The following GALNT13 variants were observed in gnomAD, a reference collection of about 807,000 sequenced individuals.
The protein encoded by GALNT13 is polypeptide N-acetylgalactosaminyltransferase 13, also known as UDP-GalNAc:polypeptide N-acetylgalactosaminyltransferase 13.
In GALNT13, 28 loss-of-function variants were observed where a neutral mutation model predicts 64.2. That is an observed-to-expected ratio of 0.44 (90% confidence interval 0.32 to 0.60). The LOEUF (loss-of-function observed/expected upper bound fraction) is 0.60. GALNT13 is among the 20% of genes least tolerant of loss of function. GALNT13 has a pLI of 0.05. For missense variants in GALNT13, 577 were observed against 669.8 expected (o/e 0.86, Z 1.53); for synonymous variants, 214 against 224.6 (o/e 0.95, Z 0.42).
chr2:153,880,254 A>G (rs753701852), intron 1 of GALNT13, among the ~76,000 whole-genome samples: 20 of 152,124 alleles, frequency 1.3e-4, no homozygotes, highest in Non-Finnish European at 2.6e-4. Context: ...GTAATTTATA[A>G]TCACTTGTGA....
chr2:153,814,945 C>T, the GALNT13 span, among the ~76,000 whole-genome samples: 1 of 152,172 alleles, frequency 6.6e-6, no homozygotes, highest in Non-Finnish European at 1.5e-5. Context: ...GTTGAGACAT[C>T]TTTAACTGTC....
chr2:153,786,952 A>T, the GALNT13 span, among the ~76,000 whole-genome samples: 1 of 152,134 alleles, frequency 6.6e-6, no homozygotes, highest in African/African-American at 2.4e-5. Context: ...TCGGGTCCAC[A>T]GCACAGGACC....
At chr2:153,965,648 A>G (rs1305518905) in intron 3 of GALNT13, among the ~76,000 whole-genome samples, 1 of 151,940 alleles carries the variant, frequency 6.6e-6, no homozygotes, top group Non-Finnish European at 1.5e-5. Context: ...TTTATTTGGT[A>G]GAAAGTTTTA....
the GALNT13 span, among the ~76,000 whole-genome samples, chr2:153,346,183 C>A: frequency 6.6e-6 from 1 of 152,152 alleles, no homozygotes; most frequent in Non-Finnish European, 1.5e-5. Context: ...CGCAGCCTCC[C>A]AAAGTGCTGA....
At chr2:153,107,398 G>T in the GALNT13 span, among the ~76,000 whole-genome samples, 1 of 152,116 alleles carries the variant, frequency 6.6e-6, no homozygotes, top group South Asian at 2.1e-4. Context: ...TAGATTTAGT[G>T]ATTAGCATAC....
chr2:153,421,631 T>G, the GALNT13 span: 1 of 257,214 alleles, frequency 3.9e-6, no homozygotes. Flanking sequence ...AGGCCAATGA[T>G]CTTGCCAATG....
rs761128541 is a variant in GALNT13, at chr2:154,155,282, A to G, written c.311+14777A>G. Among the ~76,000 whole-genome samples, 161 of 152,238 alleles carry G rather than the reference A, an allele frequency of 1.1e-3. 2 individuals carry two copies. The highest frequency in any genetic ancestry group is 5.2e-4 in the Non-Finnish European group (35 of 67,922). On this transcript the variant is annotated intron_variant, in intron 4 of 12. Transcript: ENST00000392825. ...TATAATTTTTAAAAACAGCCATTTG[A>G]AAGTCAGTCTTTGTGGTTAAAATGT... is the stretch of plus-strand genomic sequence containing the variant.
chr2:153,132,062 G>A, the GALNT13 span, among the ~76,000 whole-genome samples: 8 of 152,170 alleles, frequency 5.3e-5, no homozygotes, highest in Admixed American at 5.2e-4. Flanking sequence ...AGCTGAGACT[G>A]CCAGCTTTGT....
intron 2 of GALNT13, among the ~76,000 whole-genome samples, chr2:153,927,118 T>A (rs1197965414): frequency 6.6e-6 from 1 of 152,112 alleles, no homozygotes; most frequent in East Asian, 1.9e-4. Flanking sequence ...TCAAAGTATA[T>A]GATAATTTTT....
the GALNT13 span, among the ~76,000 whole-genome samples, chr2:153,600,293 TATAAC>T: frequency 6.6e-6 from 1 of 152,064 alleles, no homozygotes; most frequent in Admixed American, 6.6e-5. Flanking sequence ...ATTTTTCAAA[TATAAC>T]ATGCAATTTT....
At chr2:154,385,813 T>G (rs1200141197) in intron 9 of GALNT13, among the ~76,000 whole-genome samples, 1 of 152,020 alleles carries the variant, frequency 6.6e-6, no homozygotes. Flanking sequence ...TAAATTCTTA[T>G]GATACATGGG....
chr2:153,743,483 C>T, the GALNT13 span, among the ~76,000 whole-genome samples: 1 of 151,078 alleles, frequency 6.6e-6, no homozygotes, highest in Non-Finnish European at 1.5e-5. Flanking sequence ...TTTTTTGAAC[C>T]TACTTTATTT....
At chr2:154,288,355 AT>A (rs1367956083) in intron 8 of GALNT13, among the ~76,000 whole-genome samples, 1 of 151,980 alleles carries the variant, frequency 6.6e-6, no homozygotes, top group Non-Finnish European at 1.5e-5. Context: ...GCCAAACCAT[AT>A]TGTTCCACCT....
intron 4 of GALNT13, among the ~76,000 whole-genome samples, chr2:154,239,427 A>G (rs1241525539): frequency 6.6e-6 from 1 of 151,834 alleles, no homozygotes; most frequent in Non-Finnish European, 1.5e-5. Flanking sequence ...TTTGAGGAGG[A>G]TGATGATCTT....
At chr2:153,545,289 C>T in the GALNT13 span, among the ~76,000 whole-genome samples, 1,384 of 152,220 alleles carry the variant, frequency 9.1e-3, 19 homozygotes, top group African/African-American at 0.032. Context: ...CCAGATTTTA[C>T]TTCCGTGTTC....
At chr2:154,298,481 TTATATATAAA>T (rs1478876006) in intron 8 of GALNT13, among the ~76,000 whole-genome samples, 13 of 120,748 alleles carry the variant, frequency 1.1e-4, no homozygotes, top group South Asian at 2.4e-4. Context: ...TATATATAAA[TTATATATAAA>T]TTATATATAC....
At chr2:153,853,904 C>T in the GALNT13 span, among the ~76,000 whole-genome samples, 1 of 151,730 alleles carries the variant, frequency 6.6e-6, no homozygotes, top group Admixed American at 6.6e-5. Context: ...TATGAAAACG[C>T]ATGAGGAAAT....
chr2:153,254,805 C>T, the GALNT13 span, among the ~76,000 whole-genome samples: 1 of 152,030 alleles, frequency 6.6e-6, no homozygotes, highest in African/African-American at 2.4e-5. Context: ...ATCCTGAGTT[C>T]TAGTTTGATT....
At chr2:153,325,454 G>A in the GALNT13 span, among the ~76,000 whole-genome samples, 1 of 152,060 alleles carries the variant, frequency 6.6e-6, no homozygotes, top group Admixed American at 6.6e-5. Context: ...ACAGCTCCTG[G>A]ATTCATTGAT....
Sources: gnomAD v4.1 joint callset for allele counts (sites outside exome capture counted in the v4.1 genomes callset) on GRCh38, gnomAD v4.1.1 for gene constraint, MANE v1.5 for transcripts, NCBI Gene and HGNC (gene_info 2026-07-23, HGNC 2026-07-21) for gene names.